Variants in KCNIP4 observed in about 807,000 individuals in gnomAD.
KCNIP4 encodes the protein potassium voltage-gated channel interacting protein 4, also known as Kv channel-interacting protein 4.
Under a neutral mutation model 34.0 loss-of-function variants are expected in KCNIP4, and 12 were observed. The observed-to-expected ratio is 0.35, with a 90% CI of 0.23 to 0.57. The LOEUF (loss-of-function observed/expected upper bound fraction) is 0.57. KCNIP4 is among the 20% of genes least tolerant of loss of function. The probability of loss-of-function intolerance (pLI) is 0.83; values close to 1 mark genes in which losing one functional copy is unlikely to be tolerated. For missense variants in KCNIP4, 238 were observed against 311.7 expected (o/e 0.76, Z 1.78); for synonymous variants, 124 against 102.2 (o/e 1.21, Z -1.29).
chr4:21,461,618 G>C (rs1442659881), intron 1 of KCNIP4, among the ~76,000 whole-genome samples: 2 of 151,984 alleles, frequency 1.3e-5, no homozygotes, highest in Non-Finnish European at 2.9e-5. Context: ...TCTCTTGTAA[G>C]TCCAGTCTCT....
At chr4:21,595,839 C>G (rs532801099) in intron 1 of KCNIP4, among the ~76,000 whole-genome samples, 1 of 152,008 alleles carries the variant, frequency 6.6e-6, no homozygotes, top group Non-Finnish European at 1.5e-5. Context: ...GACAATCTAC[C>G]GTGTGCTGAC....
chr4:21,916,944 T>C (rs1728663536), intron 1 of KCNIP4, among the ~76,000 whole-genome samples: 1 of 152,194 alleles, frequency 6.6e-6, no homozygotes, highest in Admixed American at 6.5e-5. Context: ...CCTCTCCTCC[T>C]GCACCTCTCT....
At chr4:21,390,334 T>C (rs1722453061) in intron 1 of KCNIP4, among the ~76,000 whole-genome samples, 1 of 152,208 alleles carries the variant, frequency 6.6e-6, no homozygotes, top group South Asian at 2.1e-4. Context: ...ATTTTGGCTT[T>C]TGTTGCCATT....
At chr4:21,156,727 C>A (rs1307832409) in intron 1 of KCNIP4, among the ~76,000 whole-genome samples, 1 of 151,908 alleles carries the variant, frequency 6.6e-6, no homozygotes. Context: ...TAACCATTGC[C>A]CAATATCATC....
At chr4:21,942,043 C>G (rs1034401059) in intron 1 of KCNIP4, among the ~76,000 whole-genome samples, 31 of 152,146 alleles carry the variant, frequency 2.0e-4, no homozygotes, top group African/African-American at 7.5e-4. Context: ...AGGAGCTGAA[C>G]TTCTGCTTGT....
At position 21,372,415 on chromosome 4, in the gene KCNIP4, T is replaced by G. The variant is rs200986749; in HGVS notation, c.62-489706A>C. On this transcript the variant is annotated intron_variant, in intron 1 of 8. Transcript: ENST00000382152. ...ATAGTTAGATAGACAGACAGACAGA[T>G]ACAGATATAGATATAGATGTGTATA... Among the ~76,000 whole-genome samples, 57 of 143,390 alleles carry G rather than the reference T, an allele frequency of 4.0e-4. 2 individuals carry two copies. In the East Asian group the frequency reaches 8.4e-3, roughly 21 times the overall value. 94.1% of individuals were successfully genotyped at this position (143,390 alleles called of 152,430 possible). A position where few individuals can be genotyped will look rare whatever the true frequency, so the allele number is the denominator to read the frequency against.
intron 1 of KCNIP4, among the ~76,000 whole-genome samples, chr4:21,296,354 G>A (rs904974059): frequency 6.6e-6 from 1 of 151,300 alleles, no homozygotes; most frequent in Non-Finnish European, 1.5e-5. Flanking sequence ...TGTTTACCAA[G>A]CAATGAAGCA....
intron 2 of KCNIP4, among the ~76,000 whole-genome samples, chr4:20,853,915 G>C (rs1281189261): frequency 6.6e-6 from 1 of 152,150 alleles, no homozygotes; most frequent in South Asian, 2.1e-4. Context: ...CTAATGATCA[G>C]GGAAATGCAA....
At chr4:20,895,991 CT>C (rs900491621) in intron 1 of KCNIP4, among the ~76,000 whole-genome samples, 18 of 151,454 alleles carry the variant, frequency 1.2e-4, no homozygotes, top group African/African-American at 2.9e-4. Context: ...AGCTCAAACA[CT>C]TTTTTTTTAA....
intron 1 of KCNIP4, among the ~76,000 whole-genome samples, chr4:21,415,730 T>TA (rs141573547): frequency 4.6e-4 from 70 of 151,646 alleles, no homozygotes; most frequent in African/African-American, 1.6e-3. Flanking sequence ...AATAAACAAA[T>TA]AAAAAGGTAA....
chr4:21,024,717 C>T (rs1425867169), intron 1 of KCNIP4, among the ~76,000 whole-genome samples: 3 of 152,106 alleles, frequency 2.0e-5, no homozygotes, highest in African/African-American at 2.4e-5. Context: ...ATTTCAACTC[C>T]GCCCGCTGAC....
At chr4:21,837,170 G>T (rs1723379542) in intron 1 of KCNIP4, among the ~76,000 whole-genome samples, 1 of 15,148 alleles carries the variant, frequency 6.6e-5, no homozygotes, top group African/African-American at 3.2e-4. Flanking sequence ...GCCCGCCTCA[G>T]CCTCCCAAAG....
intron 1 of KCNIP4, among the ~76,000 whole-genome samples, chr4:21,230,183 A>G (rs2109019126): frequency 6.6e-6 from 1 of 152,222 alleles, no homozygotes; most frequent in South Asian, 2.1e-4. Context: ...GGATGCAGCT[A>G]TCAGCCAAGA....
intron 3 of KCNIP4, among the ~76,000 whole-genome samples, chr4:20,778,637 A>G (rs1756586053): frequency 6.6e-6 from 1 of 152,172 alleles, no homozygotes; most frequent in Non-Finnish European, 1.5e-5. Flanking sequence ...ATGGCAACCT[A>G]TTGTTATCTC....
intron 1 of KCNIP4, among the ~76,000 whole-genome samples, chr4:21,128,518 G>C (rs935906443): frequency 7.9e-5 from 12 of 152,116 alleles, no homozygotes; most frequent in African/African-American, 2.9e-4. Context: ...GAAATGGTTT[G>C]CCTCCATAAG....
chr4:21,445,178 T>A (rs1294088386), intron 1 of KCNIP4, among the ~76,000 whole-genome samples: 2 of 152,108 alleles, frequency 1.3e-5, no homozygotes, highest in Non-Finnish European at 2.9e-5. Context: ...AGAATCAATA[T>A]CTTGAAAATG....
chr4:21,635,074 A>G (rs534392784), intron 1 of KCNIP4, among the ~76,000 whole-genome samples: 28 of 152,328 alleles, frequency 1.8e-4, no homozygotes, highest in African/African-American at 6.0e-4. Flanking sequence ...TTCTTTTGTC[A>G]AAACAATATA....
chr4:21,423,080 A>T (rs1048084975), intron 1 of KCNIP4, among the ~76,000 whole-genome samples: 4 of 152,194 alleles, frequency 2.6e-5, no homozygotes, highest in Non-Finnish European at 4.4e-5. Context: ...ATCACACTTC[A>T]TCTGATATTC....
At chr4:20,793,694 T>TA (rs1429281141) in intron 3 of KCNIP4, among the ~76,000 whole-genome samples, 1 of 152,078 alleles carries the variant, frequency 6.6e-6, no homozygotes, top group African/African-American at 2.4e-5. Context: ...TACATTGTAA[T>TA]ATATAATGAA....
Sources: gnomAD v4.1 joint callset for allele counts (sites outside exome capture counted in the v4.1 genomes callset) on GRCh38, gnomAD v4.1.1 for gene constraint, MANE v1.5 for transcripts, NCBI Gene and HGNC (gene_info 2026-07-23, HGNC 2026-07-21) for gene names.